Variants in ATRNL1 observed in about 807,000 individuals in gnomAD.
The protein encoded by ATRNL1 is attractin-like protein 1.
ATRNL1 carries 95 observed loss-of-function variants against 182.7 expected under a neutral mutation model. That is an observed-to-expected ratio of 0.52 (90% CI 0.44 to 0.62). The LOEUF is 0.62. ATRNL1 is among the 20% of genes least tolerant of loss of function. The pLI, the probability that ATRNL1 is intolerant of heterozygous loss-of-function variation, is 0.00. For synonymous variants in ATRNL1, 576 were observed against 568.3 expected (o/e 1.01, Z -0.19); for missense variants, 1,471 against 1,679.5 (o/e 0.88, Z 2.17).
intron 28 of ATRNL1, among the ~76,000 whole-genome samples, chr10:115,871,472 TGTGTG>T (rs1555106088): frequency 7.7e-3 from 24 of 3,132 alleles, no homozygotes; most frequent in Admixed American, 0.05. Flanking sequence ...AGATTCTTTG[TGTGTG>T]TGTATATATA....
intron 24 of ATRNL1, among the ~76,000 whole-genome samples, chr10:115,496,797 C>T (rs1214869096): frequency 6.6e-6 from 1 of 152,158 alleles, no homozygotes; most frequent in African/African-American, 2.4e-5. Flanking sequence ...TGTAGATGAC[C>T]TGCCCCTTCT....
intron 26 of ATRNL1, among the ~76,000 whole-genome samples, chr10:115,710,760 A>G (rs1044303973): frequency 6.6e-6 from 1 of 152,266 alleles, no homozygotes; most frequent in Non-Finnish European, 1.5e-5. Context: ...TTTACAGGAA[A>G]GCTATTTTGA....
chr10:115,454,555 A>G (rs1275613983), intron 21 of ATRNL1, among the ~76,000 whole-genome samples: 1 of 151,878 alleles, frequency 6.6e-6, no homozygotes, highest in Non-Finnish European at 1.5e-5. Flanking sequence ...CATATTATTT[A>G]TTTGTGTTTA....
At chr10:115,214,253 T>C (rs1554895688) in intron 8 of ATRNL1, among the ~76,000 whole-genome samples, 1 of 151,858 alleles carries the variant, frequency 6.6e-6, no homozygotes, top group African/African-American at 2.4e-5. Context: ...TTGGTAAGGA[T>C]CAAGTTTATC....
chr10:115,516,675 T>C (rs943109689), intron 24 of ATRNL1, among the ~76,000 whole-genome samples: 63 of 152,028 alleles, frequency 4.1e-4, no homozygotes, highest in African/African-American at 1.3e-3. Context: ...TCTGAATTTA[T>C]TTACAACTAC....
At chr10:115,158,737 T>C (rs1203441947) in intron 5 of ATRNL1, among the ~76,000 whole-genome samples, 1 of 151,962 alleles carries the variant, frequency 6.6e-6, no homozygotes, top group Non-Finnish European at 1.5e-5. Context: ...AAAATTTTGT[T>C]ATTAAATGAC....
chr10:115,755,288 A>G (rs1382032643), intron 27 of ATRNL1, among the ~76,000 whole-genome samples: 1 of 152,138 alleles, frequency 6.6e-6, no homozygotes, highest in African/African-American at 2.4e-5. Flanking sequence ...CCCATTCAGT[A>G]TGATATTGGC....
chr10:115,937,395 G>T (rs1953593088), intron 28 of ATRNL1, among the ~76,000 whole-genome samples: 1 of 152,180 alleles, frequency 6.6e-6, no homozygotes, highest in South Asian at 2.1e-4. Flanking sequence ...TATGACTAGT[G>T]CATTTGTCAT....
chr10:115,679,054 G>T (rs1945961576), intron 26 of ATRNL1, among the ~76,000 whole-genome samples: 1 of 152,088 alleles, frequency 6.6e-6, no homozygotes, highest in Non-Finnish European at 1.5e-5. Context: ...TGCAGTAGTT[G>T]TAAAAGTGAA....
In ATRNL1 at chr10:115,327,656, A is replaced by C. The variant is rs1273194778; in HGVS notation, c.3038-6626A>C. On this transcript the variant is annotated intron_variant, in intron 18 of 28. Transcript: ENST00000355044. ...GCACACGTATGTTTATTGCGGCACT[A>C]TTCACAATAGCAAAGACTTGGAACC... is the stretch of plus-strand genomic sequence containing the variant. 2.0e-5 allele frequency among the ~76,000 whole-genome samples: 3 copies of C among 150,804 alleles called. No individual in the cohort carries two copies. The Admixed American group carries it at 2.0e-4, about 10-fold the overall frequency.
chr10:115,262,816 A>G (rs547312018), intron 10 of ATRNL1, among the ~76,000 whole-genome samples: 1 of 152,172 alleles, frequency 6.6e-6, no homozygotes, highest in African/African-American at 2.4e-5. Flanking sequence ...AAAATGTAAA[A>G]TCAAACCATT....
rs782385876 is a variant in ATRNL1 at position 115,171,257 on chromosome 10, A to G, written c.1313A>G (p.Tyr438Cys). ...ATAATATTTGGATATTCTGCAATATATGGTTATACAAGCAGCATACAGGAA... is the reference window on the plus strand; with the variant it reads ...ATAATATTTGGATATTCTGCAATATGTGGTTATACAAGCAGCATACAGGAA... Reference protein sequence around the residue: ...MIIIFGYSAIYGYTSSIQEYH... With the variant: ...MIIIFGYSAICGYTSSIQEYH... The change falls in exon 8 of 29, where the codon TAT becomes TGT. Residue 438 changes from tyrosine to cysteine, a missense_variant. Tyr to Cys is a radical substitution (Grantham distance 194). This residue lies in a region of ATRNL1 where 1,031 missense variants were observed against 1,156.0 expected (regional missense o/e 0.89). Transcript: ENST00000355044. 5.0e-6 allele frequency: 8 copies of G among 1,608,098 alleles called. No homozygotes were observed. Among genetic ancestry groups the G allele is most frequent in the Middle Eastern group, 3.3e-4 (2 of 6,026 alleles).
intron 19 of ATRNL1, among the ~76,000 whole-genome samples, chr10:115,355,218 G>A (rs973102321): frequency 1.3e-5 from 2 of 152,138 alleles, no homozygotes; most frequent in Non-Finnish European, 2.9e-5. Flanking sequence ...TGATATATGA[G>A]CGTTAAAAAT....
intron 28 of ATRNL1, among the ~76,000 whole-genome samples, chr10:115,877,240 A>T (rs1331391648): frequency 2.0e-5 from 3 of 152,200 alleles, no homozygotes; most frequent in African/African-American, 7.2e-5. Context: ...ATTTGCTGTT[A>T]ATGTGAAAAG....
At chr10:115,425,317 TA>T (rs1294009258) in intron 20 of ATRNL1, among the ~76,000 whole-genome samples, 1 of 134,550 alleles carries the variant, frequency 7.4e-6, no homozygotes, top group Non-Finnish European at 1.6e-5. Context: ...TATATTTATA[TA>T]AAATATGTAT....
At chr10:115,325,339 T>A (rs1406253365) in intron 18 of ATRNL1, among the ~76,000 whole-genome samples, 3 of 152,188 alleles carry the variant, frequency 2.0e-5, no homozygotes, top group South Asian at 2.1e-4. Context: ...ACATTACCTG[T>A]CGATCTAACA....
chr10:115,785,125 C>T (rs1949364030), intron 27 of ATRNL1, among the ~76,000 whole-genome samples: 1 of 152,178 alleles, frequency 6.6e-6, no homozygotes, highest in Non-Finnish European at 1.5e-5. Flanking sequence ...TGGGGCAAAA[C>T]CCCTCTCCAT....
chr10:115,436,857 A>G (rs11818924), intron 21 of ATRNL1, among the ~76,000 whole-genome samples: 1,992 of 152,134 alleles, frequency 0.013, 39 homozygotes, highest in African/African-American at 0.046. Context: ...TTTTTCCTCT[A>G]TTGAAGCTTA....
intron 25 of ATRNL1, among the ~76,000 whole-genome samples, chr10:115,536,631 A>G (rs1554990510): frequency 6.6e-6 from 1 of 152,150 alleles, no homozygotes; most frequent in Non-Finnish European, 1.5e-5. Context: ...TCCTGCGCCC[A>G]CTGTCTGGCA....
Sources: gnomAD v4.1 joint callset for allele counts (sites outside exome capture counted in the v4.1 genomes callset) on GRCh38, gnomAD v4.1.1 for gene constraint, gnomAD v4.1.1 regional missense constraint, MANE v1.5 for transcripts, NCBI Gene and HGNC (gene_info 2026-07-23, HGNC 2026-07-21) for gene names.